Variants in CNTNAP2 observed in about 807,000 individuals in gnomAD.
CNTNAP2 encodes contactin associated protein 2.
CNTNAP2 carries 98 observed loss-of-function variants against 155.2 expected under a neutral mutation model. That is an observed-to-expected ratio of 0.63 (90% CI 0.54 to 0.75). CNTNAP2 has a LOEUF of 0.75. Among genes scored for constraint, CNTNAP2 ranks in the 30% least tolerant of loss-of-function variants. CNTNAP2 has a pLI of 0.00. For missense variants in CNTNAP2, 1,727 were observed against 1,688.1 expected, an observed-to-expected ratio of 1.02 and a Z score of -0.40; for synonymous variants, 651 against 631.2, an observed-to-expected ratio of 1.03 and a Z score of -0.47.
At chr7:146,859,722 A>C (rs1029405157) in intron 3 of CNTNAP2, among the ~76,000 whole-genome samples, 8 of 152,148 alleles carry the variant, frequency 5.3e-5, no homozygotes, top group Admixed American at 6.6e-5. Context: ...TCTAAGCTTA[A>C]TTCCACCTCC....
intron 20 of CNTNAP2, among the ~76,000 whole-genome samples, chr7:148,233,032 G>C (rs146469559): frequency 7.9e-5 from 12 of 152,286 alleles, no homozygotes; most frequent in Non-Finnish European, 1.6e-4. Flanking sequence ...ACCTCCAGTG[G>C]CATCATTTGT....
chr7:147,227,267 T>C (rs760928444), intron 8 of CNTNAP2, among the ~76,000 whole-genome samples: 3 of 151,852 alleles, frequency 2.0e-5, no homozygotes, highest in African/African-American at 4.8e-5. Context: ...TCAGAGAAGA[T>C]GAAGTTGAAT....
At chr7:148,065,719 T>C (rs1178883578) in intron 15 of CNTNAP2, among the ~76,000 whole-genome samples, 1 of 152,310 alleles carries the variant, frequency 6.6e-6, no homozygotes, top group East Asian at 1.9e-4. Context: ...AGATACTTGG[T>C]TGAATTCTTA....
At chr7:147,003,296 A>G (rs1798462008) in intron 3 of CNTNAP2, among the ~76,000 whole-genome samples, 2 of 152,034 alleles carry the variant, frequency 1.3e-5, no homozygotes, top group African/African-American at 4.8e-5. Flanking sequence ...GTACGTAATT[A>G]TAATGAGAGA....
At chr7:148,042,885 A>G (rs183559319) in intron 15 of CNTNAP2, among the ~76,000 whole-genome samples, 1 of 152,358 alleles carries the variant, frequency 6.6e-6, no homozygotes, top group African/African-American at 2.4e-5. Flanking sequence ...ATGACTTTAA[A>G]CCAAGAACAG....
intron 13 of CNTNAP2, chr7:147,672,861 C>T (rs980222934): frequency 1.3e-5 from 2 of 152,042 alleles, no homozygotes; most frequent in Admixed American, 6.6e-5. Context: ...GTTTCAAAAA[C>T]GTCTCAAAGC....
chr7:147,560,173 A>AAAAAAAAAAAAAAAAC, intron 11 of CNTNAP2, among the ~76,000 whole-genome samples: 1 of 149,182 alleles, frequency 6.7e-6, no homozygotes, highest in Non-Finnish European at 1.5e-5. Context: ...CGTCTCAAAA[A>AAAAAAAAAAAAAAAAC]AAAAAAAAAA....
At chr7:148,374,362 T>TG (rs1220817510) in intron 21 of CNTNAP2, among the ~76,000 whole-genome samples, 4 of 152,190 alleles carry the variant, frequency 2.6e-5, no homozygotes, top group African/African-American at 9.7e-5. Context: ...TAACACACTT[T>TG]TCCTAGCCTA....
At chr7:146,672,311 A>G (rs772114342) in intron 1 of CNTNAP2, among the ~76,000 whole-genome samples, 8 of 152,192 alleles carry the variant, frequency 5.3e-5, no homozygotes, top group Non-Finnish European at 2.9e-5. Context: ...TCAGTTCTCT[A>G]TTAGTTCCAG....
At chr7:147,177,000 T>C (rs949049987) in intron 8 of CNTNAP2, among the ~76,000 whole-genome samples, 1 of 129,438 alleles carries the variant, frequency 7.7e-6, no homozygotes, top group Admixed American at 8.0e-5. Flanking sequence ...ATTCTATATC[T>C]ATAATTATAT....
At chr7:146,911,095 A>T (rs1796265106) in intron 3 of CNTNAP2, among the ~76,000 whole-genome samples, 1 of 152,066 alleles carries the variant, frequency 6.6e-6, no homozygotes, top group Admixed American at 6.5e-5. Context: ...GCAAATCAAA[A>T]CCACTATGAG....
intron 14 of CNTNAP2, among the ~76,000 whole-genome samples, chr7:147,916,619 T>A (rs1403237997): frequency 1.3e-5 from 2 of 150,036 alleles, no homozygotes; most frequent in Non-Finnish European, 3.0e-5. Context: ...TACAGTGTAT[T>A]TCCCATTAGT....
chr7:146,259,827 C>T (rs1188799284), intron 1 of CNTNAP2, among the ~76,000 whole-genome samples: 2 of 152,180 alleles, frequency 1.3e-5, no homozygotes, highest in Non-Finnish European at 2.9e-5. Context: ...GAAATTCAAG[C>T]CAGCTGCTGA....
At position 146,797,357 on chromosome 7, in the gene CNTNAP2, T is replaced by A. The variant is rs945582427; in HGVS notation, c.208+22976T>A. Among the ~76,000 whole-genome samples, 9 of 152,254 alleles carry A rather than the reference T, an allele frequency of 5.9e-5. 1 individual carries two copies. Among genetic ancestry groups the A allele is most frequent in the African/African-American group, 2.2e-4 (9 of 41,538 alleles). ...AGGGAAAGTGATGGAGAAGATTGTATGGGAGGTGGCAGGAGACACCTTGAT... is the reference window on the plus strand; with the variant it reads ...AGGGAAAGTGATGGAGAAGATTGTAAGGGAGGTGGCAGGAGACACCTTGAT... On this transcript the variant is annotated intron_variant, in intron 2 of 23. Coordinates refer to ENST00000361727, the MANE Select transcript of CNTNAP2 (RefSeq NM_014141.6).
chr7:147,174,307 A>C (rs1303376676), intron 8 of CNTNAP2, among the ~76,000 whole-genome samples: 1 of 152,198 alleles, frequency 6.6e-6, no homozygotes, highest in Non-Finnish European at 1.5e-5. Flanking sequence ...TAATAAAATG[A>C]ATGAATTAGC....
chr7:147,517,749 T>C (rs779460314), intron 11 of CNTNAP2, among the ~76,000 whole-genome samples: 1 of 152,142 alleles, frequency 6.6e-6, no homozygotes, highest in Non-Finnish European at 1.5e-5. Flanking sequence ...TCCCAGAAAC[T>C]TAAGATTTCA....
chr7:146,841,827 A>G (rs1457631640), intron 3 of CNTNAP2, among the ~76,000 whole-genome samples: 1 of 152,112 alleles, frequency 6.6e-6, no homozygotes, highest in Non-Finnish European at 1.5e-5. Context: ...GGACGGCTAA[A>G]TGCAGAGACA....
At chr7:147,893,625 AT>A (rs1480062966) in intron 13 of CNTNAP2, among the ~76,000 whole-genome samples, 2 of 152,174 alleles carry the variant, frequency 1.3e-5, no homozygotes, top group Non-Finnish European at 2.9e-5. Flanking sequence ...GGGGATCTAT[AT>A]TGTTTACAAG....
At chr7:147,842,278 G>A (rs1798747191) in intron 13 of CNTNAP2, among the ~76,000 whole-genome samples, 1 of 152,210 alleles carries the variant, frequency 6.6e-6, no homozygotes, top group South Asian at 2.1e-4. Context: ...CTTCGTGAGA[G>A]ACACATATAA....
Sources: allele counts gnomAD v4.1 joint callset (sites outside exome capture counted in the v4.1 genomes callset), GRCh38; gene constraint gnomAD v4.1.1; transcripts MANE v1.5; gene names NCBI Gene and HGNC (gene_info 2026-07-23, HGNC 2026-07-21).